GALNT13: variants seen among roughly 807,000 people sequenced by gnomAD.
GALNT13 encodes the protein polypeptide N-acetylgalactosaminyltransferase 13, also known as UDP-GalNAc:polypeptide N-acetylgalactosaminyltransferase 13.
In GALNT13, 28 loss-of-function variants were observed where a neutral mutation model predicts 64.2. The observed-to-expected ratio is 0.44, with a 90% CI of 0.32 to 0.60. GALNT13 has a LOEUF of 0.60. Ranked by LOEUF, GALNT13 falls within the 20% of genes least tolerant of loss-of-function variation. The pLI is 0.05. For missense variants in GALNT13, 577 were observed against 669.8 expected, an observed-to-expected ratio of 0.86 and a Z score of 1.53; for synonymous variants, 214 against 224.6, an observed-to-expected ratio of 0.95 and a Z score of 0.42.
At chr2:154,049,245 G>C (rs573529854) in intron 3 of GALNT13, among the ~76,000 whole-genome samples, 62 of 151,328 alleles carry the variant, frequency 4.1e-4, no homozygotes, top group African/African-American at 1.5e-3. Flanking sequence ...CGGGTCTGTG[G>C]AATTTGTCTT....
the GALNT13 span, among the ~76,000 whole-genome samples, chr2:153,860,438 A>T: frequency 0.72 from 108,230 of 150,982 alleles, 40,461 homozygotes; most frequent in Non-Finnish European, 0.81. Context: ...AAATCAGTTG[A>T]CTTCTATCCT....
At chr2:153,353,569 G>A in the GALNT13 span, among the ~76,000 whole-genome samples, 1 of 138,634 alleles carries the variant, frequency 7.2e-6, no homozygotes, top group East Asian at 1.9e-4. Context: ...TCTTAAGCAT[G>A]GTGTTAGCTG....
At chr2:153,546,898 C>A in the GALNT13 span, among the ~76,000 whole-genome samples, 1 of 152,178 alleles carries the variant, frequency 6.6e-6, no homozygotes, top group South Asian at 2.1e-4. Context: ...AAATAGAAAA[C>A]AATTTCTATT....
chr2:153,529,767 TATG>T, the GALNT13 span, among the ~76,000 whole-genome samples: 43 of 152,068 alleles, frequency 2.8e-4, no homozygotes, highest in Non-Finnish European at 4.6e-4. Context: ...AATCAATCAA[TATG>T]ATACCTCATA....
the GALNT13 span, among the ~76,000 whole-genome samples, chr2:153,836,978 G>T: frequency 6.6e-6 from 1 of 151,874 alleles, no homozygotes; most frequent in Non-Finnish European, 1.5e-5. Flanking sequence ...ACATGTGCAT[G>T]TGTCTTTATA....
the GALNT13 span, among the ~76,000 whole-genome samples, chr2:153,626,827 C>T: frequency 6.6e-6 from 1 of 152,034 alleles, no homozygotes; most frequent in African/African-American, 2.4e-5. Flanking sequence ...AAAATATTTC[C>T]TGGCTGGCAT....
At chr2:154,136,806 C>T (rs921460614) in intron 3 of GALNT13, among the ~76,000 whole-genome samples, 1 of 152,032 alleles carries the variant, frequency 6.6e-6, no homozygotes, top group Non-Finnish European at 1.5e-5. Context: ...AAATTAATCT[C>T]TTTTTGAAGT....
the GALNT13 span, among the ~76,000 whole-genome samples, chr2:153,445,518 G>C: frequency 6.6e-6 from 1 of 151,968 alleles, no homozygotes. Context: ...GCTGGGACTA[G>C]AGGTGCATGC....
the GALNT13 span, among the ~76,000 whole-genome samples, chr2:153,191,161 G>A: frequency 1.2e-4 from 18 of 152,066 alleles, no homozygotes. Flanking sequence ...AGTTCTTACA[G>A]GAAAGGCTTC....
chr2:154,281,188 T>G (rs111246940), intron 8 of GALNT13, among the ~76,000 whole-genome samples: 1 of 152,226 alleles, frequency 6.6e-6, no homozygotes, highest in African/African-American at 2.4e-5. Flanking sequence ...CAATGCTTGT[T>G]TATAATGTGA....
the GALNT13 span, among the ~76,000 whole-genome samples, chr2:153,539,242 T>G: frequency 6.6e-6 from 1 of 152,184 alleles, no homozygotes. Context: ...TGGGGTTGTT[T>G]GTTTTTTTCT....
At chr2:153,532,423 C>A in the GALNT13 span, among the ~76,000 whole-genome samples, 3 of 152,162 alleles carry the variant, frequency 2.0e-5, no homozygotes, top group Non-Finnish European at 4.4e-5. Flanking sequence ...AAAGATCATG[C>A]TTCTCTCATA....
At chr2:153,840,336 A>T in the GALNT13 span, among the ~76,000 whole-genome samples, 1 of 152,136 alleles carries the variant, frequency 6.6e-6, no homozygotes, top group African/African-American at 2.4e-5. Flanking sequence ...ATTTTAAGAA[A>T]CAAAATGTTA....
chr2:153,524,204 T>G, the GALNT13 span, among the ~76,000 whole-genome samples: 6 of 152,236 alleles, frequency 3.9e-5, no homozygotes, highest in Admixed American at 1.3e-4. Context: ...TTGAACTCAA[T>G]AACTGATATG....
the GALNT13 span, among the ~76,000 whole-genome samples, chr2:153,570,896 C>T: frequency 1.3e-5 from 2 of 151,730 alleles, no homozygotes; most frequent in African/African-American, 4.8e-5. Flanking sequence ...AATGCCATTC[C>T]TCCAGTTTCG....
At chr2:153,288,836 G>T in the GALNT13 span, among the ~76,000 whole-genome samples, 1 of 152,184 alleles carries the variant, frequency 6.6e-6, no homozygotes, top group Non-Finnish European at 1.5e-5. Flanking sequence ...AAGGGATCTT[G>T]AAATGTATCA....
At chr2:153,256,391 ACTT>A in the GALNT13 span, among the ~76,000 whole-genome samples, 2 of 152,110 alleles carry the variant, frequency 1.3e-5, no homozygotes, top group Non-Finnish European at 2.9e-5. Flanking sequence ...AAAGTTTTCA[ACTT>A]CTTTGCCTTT....
At chr2:153,225,602 A>C in the GALNT13 span, among the ~76,000 whole-genome samples, 1 of 152,204 alleles carries the variant, frequency 6.6e-6, no homozygotes, top group Non-Finnish European at 1.5e-5. Flanking sequence ...TCTGTTAAAA[A>C]CCTCTGAAAC....
At chr2:153,628,273 C>T in the GALNT13 span, among the ~76,000 whole-genome samples, 1 of 151,680 alleles carries the variant, frequency 6.6e-6, no homozygotes, top group Non-Finnish European at 1.5e-5. Context: ...TCTAGATATA[C>T]AATCATGTCG....
Sources: gnomAD v4.1 joint callset for allele counts (sites outside exome capture counted in the v4.1 genomes callset) on GRCh38, gnomAD v4.1.1 for gene constraint, MANE v1.5 for transcripts, NCBI Gene and HGNC (gene_info 2026-07-23, HGNC 2026-07-21) for gene names.